HTR1E: variants seen among roughly 807,000 people sequenced by gnomAD.
HTR1E encodes the protein 5-hydroxytryptamine receptor 1E.
In HTR1E, 3 loss-of-function variants were observed where a neutral mutation model predicts 3.4. That is an observed-to-expected ratio of 0.89 (90% confidence interval 0.41 to 2.31). The LOEUF is 2.31. HTR1E is among the 30% of genes most tolerant of loss of function. HTR1E has a pLI of 0.05. For synonymous variants in HTR1E, 170 were observed against 182.8 expected, an observed-to-expected ratio of 0.93 and a Z score of 0.56; for missense variants, 392 against 467.0, an observed-to-expected ratio of 0.84 and a Z score of 1.48.
chr6:87,012,819 G>A (rs1283225168), intron 1 of HTR1E, among the ~76,000 whole-genome samples: 1 of 152,184 alleles, frequency 6.6e-6, no homozygotes, highest in Non-Finnish European at 1.5e-5. Context: ...ATTTAAAGAG[G>A]AGGAAATTGA....
chr6:86,978,518 C>T (rs1003790580), intron 1 of HTR1E, among the ~76,000 whole-genome samples: 1 of 152,158 alleles, frequency 6.6e-6, no homozygotes, highest in Non-Finnish European at 1.5e-5. Flanking sequence ...GTCTTGATAA[C>T]ATTATGGATC....
At chr6:87,006,873 T>C (rs1299235182) in intron 1 of HTR1E, among the ~76,000 whole-genome samples, 1 of 151,870 alleles carries the variant, frequency 6.6e-6, no homozygotes, top group Non-Finnish European at 1.5e-5. Context: ...AGCTGAACAA[T>C]AGAACACATG....
intron 1 of HTR1E, among the ~76,000 whole-genome samples, chr6:86,945,020 TA>T (rs55890166): frequency 0.048 from 7,076 of 146,036 alleles, 210 homozygotes; most frequent in African/African-American, 0.07. Context: ...CCTACTTAAT[TA>T]AAAAAAAAAA....
chr6:86,981,906 T>G (rs922291913), intron 1 of HTR1E, among the ~76,000 whole-genome samples: 49 of 152,238 alleles, frequency 3.2e-4, no homozygotes, highest in African/African-American at 1.2e-3. Flanking sequence ...GCCAGACATA[T>G]TCACTATCTC....
chr6:86,961,798 G>A (rs1767411929), intron 1 of HTR1E, among the ~76,000 whole-genome samples: 1 of 152,210 alleles, frequency 6.6e-6, no homozygotes, highest in African/African-American at 2.4e-5. Context: ...TGCATGCCTA[G>A]CTATATGAAT....
chr6:86,987,209 T>C (rs1767801509), intron 1 of HTR1E, among the ~76,000 whole-genome samples: 1 of 152,148 alleles, frequency 6.6e-6, no homozygotes, highest in Non-Finnish European at 1.5e-5. Flanking sequence ...AGTGTCAGTA[T>C]AATCACTGAA....
chr6:87,010,361 G>T (rs1423457376), intron 1 of HTR1E, among the ~76,000 whole-genome samples: 2 of 115,768 alleles, frequency 1.7e-5, no homozygotes, highest in Admixed American at 8.6e-5. Context: ...GGCCGGGCGG[G>T]GGGCTGACCC....
chr6:86,955,916 C>T (rs1255078208), intron 1 of HTR1E, among the ~76,000 whole-genome samples: 2 of 151,964 alleles, frequency 1.3e-5, no homozygotes, highest in Non-Finnish European at 2.9e-5. Flanking sequence ...CTGAAACCCC[C>T]TCTCAGTCAA....
chr6:86,987,081 A>C (rs1175974128), intron 1 of HTR1E, among the ~76,000 whole-genome samples: 2 of 152,114 alleles, frequency 1.3e-5, no homozygotes, highest in African/African-American at 4.8e-5. Flanking sequence ...ATATAGAACA[A>C]ATATGGCAAA....
intron 1 of HTR1E, among the ~76,000 whole-genome samples, chr6:86,940,895 G>A (rs756086233): frequency 5.9e-5 from 9 of 152,230 alleles, no homozygotes; most frequent in African/African-American, 1.9e-4. Flanking sequence ...GCAGAGGTGA[G>A]TTTAGCATCT....
chr6:87,014,824 G>A (rs1768293271), intron 1 of HTR1E, among the ~76,000 whole-genome samples: 1 of 152,150 alleles, frequency 6.6e-6, no homozygotes, highest in Non-Finnish European at 1.5e-5. Context: ...GGCTAGGGGA[G>A]GGATGGCATT....
intron 1 of HTR1E, among the ~76,000 whole-genome samples, chr6:86,993,850 A>T (rs1253204038): frequency 6.6e-6 from 1 of 152,164 alleles, no homozygotes; most frequent in Non-Finnish European, 1.5e-5. Flanking sequence ...AGGATTTTTG[A>T]AGCCCATAGC....
intron 1 of HTR1E, among the ~76,000 whole-genome samples, chr6:86,969,812 T>C (rs1397381664): frequency 6.6e-6 from 1 of 152,076 alleles, no homozygotes. Context: ...CACACCCCAG[T>C]GAGTGGTTCA....
intron 1 of HTR1E, among the ~76,000 whole-genome samples, chr6:86,958,632 A>G (rs1302761942): frequency 2.0e-5 from 3 of 152,232 alleles, no homozygotes; most frequent in Admixed American, 6.5e-5. Context: ...TTGAATAAAT[A>G]TAAGAATGAA....
chr6:86,990,374 T>C (rs1767855794), intron 1 of HTR1E, among the ~76,000 whole-genome samples: 1 of 152,224 alleles, frequency 6.6e-6, no homozygotes, highest in African/African-American at 2.4e-5. Context: ...ATGGAGACTC[T>C]GTATTGACTA....
At chr6:86,966,589 G>T (rs1767474734) in intron 1 of HTR1E, among the ~76,000 whole-genome samples, 1 of 152,146 alleles carries the variant, frequency 6.6e-6, no homozygotes, top group South Asian at 2.1e-4. Context: ...GGTAGGATCT[G>T]TCCTTCCCAT....
intron 1 of HTR1E, among the ~76,000 whole-genome samples, chr6:86,977,071 CTT>C (rs1487968192): frequency 6.6e-6 from 1 of 151,900 alleles, no homozygotes; most frequent in African/African-American, 2.4e-5. Flanking sequence ...TTTTTTCCCT[CTT>C]AACTTTTATT....
intron 1 of HTR1E, among the ~76,000 whole-genome samples, chr6:86,941,219 G>T (rs558911646): frequency 6.6e-6 from 1 of 152,226 alleles, no homozygotes; most frequent in South Asian, 2.1e-4. Flanking sequence ...CTTTTTATTC[G>T]TTCCCACATT....
intron 1 of HTR1E, among the ~76,000 whole-genome samples, chr6:86,961,363 A>G (rs1767404245): frequency 6.6e-6 from 1 of 152,238 alleles, no homozygotes. Context: ...TAAGAAAAAG[A>G]ATTTTTTTAA....
Sources: gnomAD v4.1 joint callset for allele counts (sites outside exome capture counted in the v4.1 genomes callset) on GRCh38, gnomAD v4.1.1 for gene constraint, MANE v1.5 for transcripts, NCBI Gene and HGNC (gene_info 2026-07-23, HGNC 2026-07-21) for gene names.